The following PITPNM2 variants were observed in gnomAD, a reference collection of about 807,000 sequenced individuals.
PITPNM2 encodes membrane-associated phosphatidylinositol transfer protein 2.
A neutral mutation model predicts 132.2 loss-of-function variants in PITPNM2; 35 were observed. The observed-to-expected ratio is 0.26, with a 90% confidence interval of 0.20 to 0.35. PITPNM2 has a LOEUF of 0.35. PITPNM2 is among the 10% of genes least tolerant of loss of function. The probability of loss-of-function intolerance (pLI) is 1.00; values close to 1 mark genes in which losing one functional copy is unlikely to be tolerated. For synonymous variants in PITPNM2, 738 were observed against 799.2 expected (o/e 0.92, Z 1.29); for missense variants, 1,332 against 1,912.0 (o/e 0.70, Z 5.66).
chr12:122,992,718 A>T lies in PITPNM2; in HGVS notation c.2234-49T>A. ...AGAGCTGGGGCTGGCCCTGAGGAGC[A>T]GTGGTGGGGGTGGGAAATTTGGGAA... On this transcript the variant is annotated intron_variant, in intron 15 of 25. Coordinates refer to ENST00000320201, the MANE Select transcript of PITPNM2 (RefSeq NM_020845.3). The surrounding 1 kb of genome is among the most constrained non-coding windows in gnomAD (Gnocchi z 6.5). 1,075 of 1,037,528 alleles carry T rather than the reference A, an allele frequency of 1.0e-3. No homozygotes were observed. Among genetic ancestry groups the T allele is most frequent in the Non-Finnish European group, 1.4e-3 (982 of 717,640 alleles). The allele number at this position is 1,037,528 out of a possible 1,614,324, so 64.3% of individuals were successfully genotyped here.
chr12:123,048,317 T>C (rs2040733194), intron 2 of PITPNM2, among the ~76,000 whole-genome samples: 1 of 151,638 alleles, frequency 6.6e-6, no homozygotes, highest in African/African-American at 2.4e-5. Flanking sequence ...TTACAGGAAG[T>C]CCCTAAAGTA....
intron 2 of PITPNM2, among the ~76,000 whole-genome samples, chr12:123,047,232 C>G (rs2040691190): frequency 1.3e-5 from 2 of 152,182 alleles, no homozygotes; most frequent in Admixed American, 6.5e-5. Context: ...AATAAAGATG[C>G]ATGATTTAGA....
At chr12:123,068,007 G>A (rs1381941398) in intron 2 of PITPNM2, among the ~76,000 whole-genome samples, 1 of 152,160 alleles carries the variant, frequency 6.6e-6, no homozygotes, top group Non-Finnish European at 1.5e-5. Flanking sequence ...TGAGAAACCC[G>A]TCTGCATCCA....
chr12:123,131,145 G>A (rs2043253625), intron 1 of PITPNM2, among the ~76,000 whole-genome samples: 1 of 152,214 alleles, frequency 6.6e-6, no homozygotes, highest in African/African-American at 2.4e-5. Context: ...CAGAAACTCA[G>A]AATGTGACTT....
chr12:123,139,229 G>A (rs549486956), intron 1 of PITPNM2, among the ~76,000 whole-genome samples: 5 of 148,282 alleles, frequency 3.4e-5, no homozygotes, highest in African/African-American at 9.9e-5. Flanking sequence ...GGCCAGGCAC[G>A]GTGGCTCACA....
intron 8 of PITPNM2, among the ~76,000 whole-genome samples, chr12:123,001,450 G>A (rs2038673602): frequency 6.6e-6 from 1 of 152,240 alleles, no homozygotes; most frequent in African/African-American, 2.4e-5. Context: ...CCTCATACCC[G>A]GGAGCAGTGG....
intron 2 of PITPNM2, among the ~76,000 whole-genome samples, chr12:123,080,097 T>G (rs1248021765): frequency 1.3e-5 from 2 of 152,244 alleles, no homozygotes; most frequent in African/African-American, 2.4e-5. Context: ...GTGGCGTGTG[T>G]CAGTCCTTCA....
chr12:123,047,848 C>T (rs1033245285), intron 2 of PITPNM2, among the ~76,000 whole-genome samples: 1 of 151,630 alleles, frequency 6.6e-6, no homozygotes, highest in Admixed American at 6.6e-5. Context: ...CGCCTGTAAT[C>T]CCAGTACTTT....
chr12:123,117,480 G>A lies in PITPNM2; in HGVS notation c.-199-6992C>T, dbSNP rs1394164943. ...CTGGCTGCTGACTCTGGGTAAGTCAGCTCGGCTCACTGGGCCTCTGTTTCC... is the reference window on the plus strand; with the variant it reads ...CTGGCTGCTGACTCTGGGTAAGTCAACTCGGCTCACTGGGCCTCTGTTTCC... On this transcript the variant is annotated intron_variant, in intron 1 of 25. Coordinates refer to ENST00000320201, the MANE Select transcript of PITPNM2 (RefSeq NM_020845.3). This position sits in a 1 kb window ranked among gnomAD's most constrained non-coding sequence, Gnocchi z 4.7. Among the ~76,000 whole-genome samples, 1 of 152,220 alleles carries A rather than the reference G, an allele frequency of 6.6e-6. No individual in the cohort carries two copies. Among genetic ancestry groups the A allele is most frequent in the Non-Finnish European group, 1.5e-5 (1 of 68,042 alleles).
At chr12:123,118,724 A>C (rs1421408321) in intron 1 of PITPNM2, among the ~76,000 whole-genome samples, 1 of 152,224 alleles carries the variant, frequency 6.6e-6, no homozygotes, top group Non-Finnish European at 1.5e-5. Flanking sequence ...ACAGCTTTGC[A>C]GCCCCGCCTG....
At chr12:123,121,962 C>T (rs1193356656) in intron 1 of PITPNM2, among the ~76,000 whole-genome samples, 1 of 152,164 alleles carries the variant, frequency 6.6e-6, no homozygotes, top group African/African-American at 2.4e-5. Flanking sequence ...TCAAGTGATC[C>T]TCCCACCTCA....
chr12:123,048,320 C>CT (rs1254280034), intron 2 of PITPNM2, among the ~76,000 whole-genome samples: 2 of 151,840 alleles, frequency 1.3e-5, no homozygotes, highest in Non-Finnish European at 2.9e-5. Context: ...CAGGAAGTCC[C>CT]TAAAGTAGTC....
intron 13 of PITPNM2, 82 bp downstream of exon 13, chr12:122,996,376 G>A (rs1445867267): frequency 9.0e-6 from 14 of 1,558,484 alleles, no homozygotes; most frequent in Non-Finnish European, 1.1e-5. Flanking sequence ...GGGGCCAGGT[G>A]CAGGAACAGG....
chr12:123,143,401 C>T (rs2043547521), intron 1 of PITPNM2, among the ~76,000 whole-genome samples: 1 of 152,174 alleles, frequency 6.6e-6, no homozygotes, highest in African/African-American at 2.4e-5. Flanking sequence ...AATTCAGGCC[C>T]TCCCCAGGAG....
intron 2 of PITPNM2, among the ~76,000 whole-genome samples, chr12:123,069,150 G>A (rs528996893): frequency 6.6e-6 from 1 of 152,058 alleles, no homozygotes; most frequent in Admixed American, 6.5e-5. Context: ...CTACTCAGGG[G>A]ACTGAGGCAG....
rs566710358 is a variant in PITPNM2, at chr12:123,095,767, C to T, written c.-96+14618G>A. Among the ~76,000 whole-genome samples, 12 of 152,346 alleles carry T rather than the reference C, an allele frequency of 7.9e-5. No homozygotes were observed. In the South Asian group the frequency reaches 2.5e-3, roughly 32 times the overall value. On this transcript the variant is annotated intron_variant, in intron 2 of 25. Coordinates refer to ENST00000320201, the MANE Select transcript of PITPNM2 (RefSeq NM_020845.3). The surrounding 1 kb of genome is among the most constrained non-coding windows in gnomAD (Gnocchi z 5.0). ...GCCATTGTGAAGGCGGTTCCCTCTA[C>T]CAGGAAGACTCTCCCTTGTTTACAC...
At position 123,150,815 on chromosome 12, in the gene PITPNM2, AC is replaced by A. The variant is rs1470321397; in HGVS notation, c.-263del. The stretch of plus-strand genomic sequence containing the variant: ...GCCCCGGCTGGGCCGCCGCCACCTC[AC>A]GCCGCCTCACGGGGAGCGCCCGCCC... On this transcript the variant is annotated 5_prime_UTR_variant, in exon 1 of 26. Transcript: ENST00000320201. This position sits in a 1 kb window ranked among gnomAD's most constrained non-coding sequence, Gnocchi z 6.0. 6.9e-6 allele frequency among the ~76,000 whole-genome samples: 1 copy of A among 144,968 alleles called. No homozygotes were observed. Among genetic ancestry groups the A allele is most frequent in the African/African-American group, 2.5e-5 (1 of 40,206 alleles).
At position 123,064,570 on chromosome 12, in the gene PITPNM2, C is replaced by G. The variant is rs1407658316; in HGVS notation, c.-95-29885G>C. On this transcript the variant is annotated intron_variant, in intron 2 of 25. Transcript: ENST00000320201. This position sits in a 1 kb window ranked among gnomAD's most constrained non-coding sequence, Gnocchi z 4.0. Reference sequence around the variant, plus strand: ...GAGCCTGGGGCTATTTCGGGAAGCTCTGCGCACAGCCCGCCACTTCCCTGC... The same window carrying G: ...GAGCCTGGGGCTATTTCGGGAAGCTGTGCGCACAGCCCGCCACTTCCCTGC... 1.3e-5 allele frequency among the ~76,000 whole-genome samples: 2 copies of G among 152,310 alleles called. No homozygotes were observed. Among genetic ancestry groups the G allele is most frequent in the East Asian group, 3.9e-4 (2 of 5,174 alleles).
At chr12:123,028,270 G>A (rs1331988477) in intron 3 of PITPNM2, among the ~76,000 whole-genome samples, 1 of 152,218 alleles carries the variant, frequency 6.6e-6, no homozygotes, top group Non-Finnish European at 1.5e-5. Context: ...TATATTGAGT[G>A]CTGCTCCAGC....
Sources: gnomAD v4.1 joint callset for allele counts (sites outside exome capture counted in the v4.1 genomes callset) on GRCh38, gnomAD v4.1.1 for gene constraint, Gnocchi (gnomAD v3.1) non-coding constraint, MANE v1.5 for transcripts, NCBI Gene and HGNC (gene_info 2026-07-23, HGNC 2026-07-21) for gene names.